Variants in FARP2 observed in about 807,000 individuals in gnomAD.
FARP2 encodes FERM, ARHGEF and pleckstrin domain-containing protein 2.
A neutral mutation model predicts 130.5 loss-of-function variants in FARP2; 111 were observed. The ratio of observed to expected loss-of-function variants is 0.85; its 90% CI spans 0.73 to 1.00. The LOEUF is 1.00. FARP2 is among the 50% of genes least tolerant of loss of function. The pLI, the probability that FARP2 is intolerant of heterozygous loss-of-function variation, is 0.00. For missense variants in FARP2, 1,385 were observed against 1,346.3 expected (o/e 1.03, Z -0.45); for synonymous variants, 504 against 516.9 (o/e 0.98, Z 0.34).
Position 241,491,065 on chromosome 2 carries a change from C to T in FARP2, c.2509C>T (p.Arg837Trp), listed in dbSNP as rs143557762. ...QKTIVVAAST[R>W]LEKEKWMLDL... ...GCCTTGCCCTTCTCCCTGCAGCACT[C>T]GGCTGGAGAAAGAGAAGTGGATGCT... Residue 837 changes from arginine (R) to tryptophan (W), a missense_variant, in exon 23 of 27, where the codon CGG becomes TGG. Arg to Trp is a moderately radical substitution (Grantham distance 101). Coordinates refer to ENST00000264042, the MANE Select transcript of FARP2 (RefSeq NM_014808.4). 103 of 1,612,176 alleles carry T rather than the reference C, an allele frequency of 6.4e-5. No individual in the cohort carries two copies. The African/African-American group carries it at 1.0e-3, about 16-fold the overall frequency.
chr2:241,445,654 C>T (rs933206671), intron 13 of FARP2: 1 of 152,164 alleles, frequency 6.6e-6, no homozygotes, highest in African/African-American at 2.4e-5. Flanking sequence ...GCCTGATAAA[C>T]CCTGAAATTG....
intron 7 of FARP2, among the ~76,000 whole-genome samples, chr2:241,413,980 T>C (rs1187312403): frequency 1.4e-5 from 2 of 147,670 alleles, no homozygotes; most frequent in Non-Finnish European, 3.0e-5. Context: ...CATCAGGGTC[T>C]GGGGGAGGAG....
At position 241,478,533 on chromosome 2, in the gene FARP2, C is replaced by T. The variant is rs1199549331; in HGVS notation, c.2262+2546C>T. 19 of 412,980 alleles carry T rather than the reference C, an allele frequency of 4.6e-5. No homozygotes were observed. The East Asian group carries it at 1.1e-3, about 24-fold the overall frequency. The allele number at this position is 412,980 out of a possible 1,614,324, so 25.6% of individuals were successfully genotyped here. ...CTGTACTCCTTGTATCAGGCTAACC[C>T]CGACAAGGATGAAACTGTTGCCTAT... On this transcript the variant is annotated intron_variant, in intron 19 of 26. Transcript: ENST00000264042.
chr2:241,454,059 T>C (rs539116920), intron 13 of FARP2, among the ~76,000 whole-genome samples: 3 of 152,120 alleles, frequency 2.0e-5, no homozygotes, highest in South Asian at 4.1e-4. Flanking sequence ...GTTGGGATTA[T>C]AGCCATGAGT....
Position 241,491,065 on chromosome 2 carries a change from C to A in FARP2, c.2509C>A (p.Arg837=). The part of the protein sequence containing the change: ...QKTIVVAAST[R]LEKEKWMLDL... ...GCCTTGCCCTTCTCCCTGCAGCACTCGGCTGGAGAAAGAGAAGTGGATGCT... is the reference window on the plus strand; with the variant it reads ...GCCTTGCCCTTCTCCCTGCAGCACTAGGCTGGAGAAAGAGAAGTGGATGCT... The change falls in exon 23 of 27, where the codon CGG becomes AGG. Residue 837 remains arginine (R), a synonymous_variant. Transcript: ENST00000264042. The A allele has an allele frequency of 6.2e-7, 1 of 1,612,176 alleles. No homozygotes were observed. Among genetic ancestry groups the A allele is most frequent in the African/African-American group, 1.3e-5 (1 of 75,004 alleles).
At chr2:241,485,483 C>T (rs2064730335) in intron 21 of FARP2, among the ~76,000 whole-genome samples, 2 of 142,814 alleles carry the variant, frequency 1.4e-5, no homozygotes, top group South Asian at 4.6e-4. Context: ...CCATCGGCTT[C>T]TCCCTCCCTC....
At chr2:241,374,485 G>T (rs898110140) in intron 2 of FARP2, among the ~76,000 whole-genome samples, 1 of 152,138 alleles carries the variant, frequency 6.6e-6, no homozygotes, top group Non-Finnish European at 1.5e-5. Context: ...TTACACTTGG[G>T]AATTTCTTTT....
intron 19 of FARP2, among the ~76,000 whole-genome samples, chr2:241,480,055 C>G (rs921696395): frequency 1.3e-5 from 2 of 152,152 alleles, no homozygotes; most frequent in Non-Finnish European, 2.9e-5. Context: ...GAAAACAGAC[C>G]TTTCTCAGCT....
intron 13 of FARP2, chr2:241,444,843 C>G (rs2063476595): frequency 6.6e-6 from 1 of 152,158 alleles, no homozygotes; most frequent in East Asian, 1.9e-4. Context: ...ACCCGCATCA[C>G]CTCAAATTCA....
rs34251020 is a variant in FARP2, at chr2:241,491,048, C to CT, written c.2505-11dup. 1.2e-6 allele frequency: 2 copies of CT among 1,603,100 alleles called. No individual in the cohort carries two copies. Among genetic ancestry groups the CT allele is most frequent in the South Asian group, 2.2e-5 (2 of 90,868 alleles). Reference sequence around the variant, plus strand: ...AAGAGCAGAGCCACTGAGCCTTGCCCTTCTCCCTGCAGCACTCGGCTGGAG... The same window carrying CT: ...AAGAGCAGAGCCACTGAGCCTTGCCCTTTCTCCCTGCAGCACTCGGCTGGAG... On this transcript the variant is annotated splice_polypyrimidine_tract_variant and intron_variant, in intron 22 of 26. Transcript: ENST00000264042.
intron 13 of FARP2, chr2:241,442,197 G>T (rs1378629801): frequency 4.4e-6 from 2 of 455,604 alleles, no homozygotes; most frequent in African/African-American, 4.0e-5. Flanking sequence ...TACGTGGTGG[G>T]CTGTCTGTGC....
At chr2:241,393,267 G>A (rs947782291) in intron 2 of FARP2, among the ~76,000 whole-genome samples, 3 of 152,022 alleles carry the variant, frequency 2.0e-5, no homozygotes, top group African/African-American at 4.8e-5. Context: ...TGATCCACCC[G>A]CCTCGGTCTC....
intron 2 of FARP2, among the ~76,000 whole-genome samples, chr2:241,373,731 G>A (rs961700942): frequency 2.0e-5 from 3 of 152,216 alleles, no homozygotes; most frequent in Non-Finnish European, 4.4e-5. Context: ...CTGCTGGTGA[G>A]AGGATTGAGC....
At chr2:241,464,054 C>T (rs1221334258) in intron 17 of FARP2, 74 bp downstream of exon 17, 1 of 1,258,988 alleles carries the variant, frequency 7.9e-7, no homozygotes, top group Non-Finnish European at 1.1e-6. Context: ...AAGCTGAGGC[C>T]CGTCAGAACA....
intron 19 of FARP2, among the ~76,000 whole-genome samples, chr2:241,480,695 AAAAGAAAGGAAG>A (rs1400908452): frequency 6.6e-6 from 1 of 152,158 alleles, no homozygotes; most frequent in African/African-American, 2.4e-5. Flanking sequence ...TTTATGAAAA[AAAAGAAAGGAAG>A]AAAGAAAGAA....
chr2:241,457,878 C>T (rs931737251), intron 14 of FARP2, among the ~76,000 whole-genome samples: 8 of 152,110 alleles, frequency 5.3e-5, no homozygotes, highest in East Asian at 3.9e-4. Flanking sequence ...GGCGAGGGGG[C>T]GGTTCTCTGC....
At chr2:241,358,622 T>G (rs760197221) in intron 1 of FARP2, among the ~76,000 whole-genome samples, 1 of 152,232 alleles carries the variant, frequency 6.6e-6, no homozygotes, top group Non-Finnish European at 1.5e-5. Context: ...TCATATCAGC[T>G]TGCCAGCTTC....
intron 1 of FARP2, among the ~76,000 whole-genome samples, chr2:241,367,478 G>A (rs1425517611): frequency 1.3e-5 from 2 of 152,144 alleles, no homozygotes; most frequent in Non-Finnish European, 2.9e-5. Flanking sequence ...CTGTGCTGCA[G>A]TAAAGAGGTA....
chr2:241,366,515 T>C (rs2150289665), intron 1 of FARP2, among the ~76,000 whole-genome samples: 1 of 152,228 alleles, frequency 6.6e-6, no homozygotes, highest in Non-Finnish European at 1.5e-5. Context: ...ATTAGTTATG[T>C]AGAAAGAAAT....
Sources: gnomAD v4.1 joint callset for allele counts (sites outside exome capture counted in the v4.1 genomes callset) on GRCh38, gnomAD v4.1.1 for gene constraint, MANE v1.5 for transcripts, NCBI Gene and HGNC (gene_info 2026-07-23, HGNC 2026-07-21) for gene names.